Variants in ADAT1 observed in about 807,000 individuals in gnomAD.
ADAT1 encodes adenosine deaminase tRNA specific 1, also known as tRNA-specific adenosine deaminase 1.
In ADAT1, 58 loss-of-function variants were observed where a neutral mutation model predicts 58.6. The observed-to-expected ratio is 0.99, with a 90% CI of 0.80 to 1.23. The LOEUF (loss-of-function observed/expected upper bound fraction) is 1.23, where lower values mean the gene tolerates loss of function less well. ADAT1 is among the 50% of genes most tolerant of loss of function. ADAT1 has a pLI of 0.00. For synonymous variants in ADAT1, 254 were observed against 220.8 expected (o/e 1.15, Z -1.33); for missense variants, 741 against 608.6 (o/e 1.22, Z -2.29).
chr16:75,620,643 T>C lies in ADAT1; in HGVS notation c.157A>G (p.Lys53Glu), dbSNP rs150142918. ...PADKACDTPDKPVQVTKEVVS... is the reference protein window; with the variant it reads ...PADKACDTPDEPVQVTKEVVS... ...GAAAAAGTCTCACCTTGCACCGGCT[T>C]ATCAGGGGTGTCGCAGGCCTTGTCA... The change falls in exon 2 of 10, where the codon AAG becomes GAG. Residue 53 changes from lysine (K) to glutamate (E), a missense_variant. Coordinates refer to ENST00000564657, the MANE Select transcript of ADAT1 (RefSeq NM_001324445.2). The C allele has an allele frequency of 1.5e-4, 240 of 1,613,234 alleles. 1 individual carries two copies. The highest frequency in any genetic ancestry group is 5.7e-4 in the Middle Eastern group (3 of 5,272).
At chr16:75,609,766 T>C (rs2081473260) in intron 6 of ADAT1, among the ~76,000 whole-genome samples, 2 of 152,144 alleles carry the variant, frequency 1.3e-5, no homozygotes, top group Non-Finnish European at 2.9e-5. Flanking sequence ...TGCAGTCACA[T>C]GATCTCGGCT....
At chr16:75,615,935 GCCTA>G (rs1434401167) in intron 5 of ADAT1, among the ~76,000 whole-genome samples, 3 of 151,980 alleles carry the variant, frequency 2.0e-5, no homozygotes, top group Admixed American at 6.6e-5. Context: ...GATGAGTGCT[GCCTA>G]CCTGTCATTT....
intron 5 of ADAT1, among the ~76,000 whole-genome samples, chr16:75,613,485 A>G (rs768066552): frequency 3.2e-4 from 48 of 152,148 alleles, no homozygotes; most frequent in Non-Finnish European, 6.0e-4. Context: ...TATTTTTAGT[A>G]GAGACGAGGT....
intron 8 of ADAT1, among the ~76,000 whole-genome samples, chr16:75,603,526 G>A (rs1567463283): frequency 6.6e-6 from 1 of 152,204 alleles, no homozygotes; most frequent in Admixed American, 6.5e-5. Context: ...GGAAAGCTTT[G>A]TTTCAGAGAT....
chr16:75,608,431 TATG>T, intron 7 of ADAT1, 108 bp from the exon 8 acceptor site: 1 of 932,640 alleles, frequency 1.1e-6, no homozygotes, highest in South Asian at 1.5e-5. Context: ...GAGAGCTGGA[TATG>T]ATGTCACAGA....
Position 75,609,136 on chromosome 16 carries a change from A to G in ADAT1, c.1044-148T>C, listed in dbSNP as rs577972285. On this transcript the variant is annotated intron_variant, in intron 6 of 9. Coordinates refer to ENST00000564657, the MANE Select transcript of ADAT1 (RefSeq NM_001324445.2). ...GCAGACAGTGTTTCAGAATAGAATC[A>G]AGATTGTAAGCACCTCATGGCTGGA... The G allele has an allele frequency of 1.3e-5, 12 of 926,672 alleles. No homozygotes were observed. In the East Asian group the frequency reaches 2.9e-4, roughly 23 times the overall value. 57.4% of individuals were successfully genotyped at this position (926,672 alleles called of 1,614,324 possible).
intron 4 of ADAT1, among the ~76,000 whole-genome samples, chr16:75,618,098 CAAAAAAAAA>C (rs1163510620): frequency 0.019 from 634 of 32,522 alleles, 9 homozygotes; most frequent in African/African-American, 0.052. Context: ...ACCCTGTGTC[CAAAAAAAAA>C]AAAAAAAAAA....
chr16:75,612,682 CA>C lies in ADAT1; in HGVS notation c.603del (p.Thr203LeufsTer35). The C allele has an allele frequency of 6.2e-7, 1 of 1,614,074 alleles. No homozygotes were observed. Among genetic ancestry groups the C allele is most frequent in the Non-Finnish European group, 8.5e-7 (1 of 1,180,028 alleles). On this transcript the variant is annotated frameshift_variant, in exon 6 of 10. Transcript: ENST00000564657. LOFTEE classifies it high-confidence loss of function. ...SPVTKKMRLE[P>X]GTAAREVTNG... ...TTGGTGACCTCCCTGGCTGCAGTCC[CA>C]GGCTCAAGCCTCATCTTTTTGGTTA... is the stretch of plus-strand genomic sequence containing the variant.
At chr16:75,616,799 A>C (rs1431711049) in intron 5 of ADAT1, among the ~76,000 whole-genome samples, 1 of 152,230 alleles carries the variant, frequency 6.6e-6, no homozygotes, top group East Asian at 1.9e-4. Flanking sequence ...AATGAACGAA[A>C]TGAGTTTTAG....
At position 75,612,653 on chromosome 16, in the gene ADAT1, TC is replaced by T; in HGVS notation, c.632del (p.Gly211GlufsTer27). The T allele has an allele frequency of 6.2e-7, 1 of 1,614,094 alleles. No individual in the cohort carries two copies. The highest frequency in any genetic ancestry group is 8.5e-7 in the Non-Finnish European group (1 of 1,180,024). On this transcript the variant is annotated frameshift_variant, in exon 6 of 10. Coordinates refer to ENST00000564657, the MANE Select transcript of ADAT1 (RefSeq NM_001324445.2). LOFTEE classifies it high-confidence loss of function. ...PGTAAREVTN[G>X]AAHHQSFGKQ... ...TGCCAAAACTCTGATGGTGAGCTGC[TC>T]CGTTGGTGACCTCCCTGGCTGCAGT...
At chr16:75,600,550 G>A (rs1459506421) in intron 9 of ADAT1, among the ~76,000 whole-genome samples, 1 of 152,158 alleles carries the variant, frequency 6.6e-6, no homozygotes, top group Non-Finnish European at 1.5e-5. Context: ...GAAGCCAGGG[G>A]TAAAAAACAC....
At chr16:75,615,198 A>T (rs1313154116) in intron 5 of ADAT1, among the ~76,000 whole-genome samples, 4 of 151,360 alleles carry the variant, frequency 2.6e-5, no homozygotes, top group Admixed American at 1.3e-4. Flanking sequence ...AAAAAAAAAA[A>T]TTCAATCGCC....
chr16:75,610,889 A>G, intron 6 of ADAT1, among the ~76,000 whole-genome samples: 1 of 152,180 alleles, frequency 6.6e-6, no homozygotes, highest in East Asian at 1.9e-4. Flanking sequence ...AGGTGGGAGA[A>G]TTACTTAAGG....
At chr16:75,604,065 G>C (rs1287126025) in intron 8 of ADAT1, among the ~76,000 whole-genome samples, 1 of 152,112 alleles carries the variant, frequency 6.6e-6, no homozygotes, top group Non-Finnish European at 1.5e-5. Context: ...TCAGGAAGAT[G>C]AGGCCACTTT....
chr16:75,608,586 CT>C, intron 7 of ADAT1: 1 of 584,654 alleles, frequency 1.7e-6, no homozygotes, highest in African/African-American at 1.9e-5. Context: ...GAATTTCTCA[CT>C]GAATCTTCCC....
Position 75,612,855 on chromosome 16 carries a change from TCC to T in ADAT1, c.429_430del (p.Asp144CysfsTer8), listed in dbSNP as rs1567476799. On this transcript the variant is annotated frameshift_variant, in exon 6 of 10. Coordinates refer to ENST00000564657, the MANE Select transcript of ADAT1 (RefSeq NM_001324445.2). LOFTEE classifies it high-confidence loss of function. ...CTCAAGCATCGGAATGATGGAGGCA[TCC>T]CCACCTGCAGAGAATGAACCCACTT... The T allele has an allele frequency of 6.2e-7, 1 of 1,613,258 alleles. No homozygotes were observed.
chr16:75,620,476 C>T (rs926663237), intron 2 of ADAT1, 142 bp from the exon 3 acceptor site: 15 of 1,400,178 alleles, frequency 1.1e-5, no homozygotes, highest in Admixed American at 3.6e-5. Context: ...GGCGGTCTCC[C>T]GCCATCAGAG....
At position 75,603,141 on chromosome 16, in the gene ADAT1, T is replaced by C. The variant is rs2081273109; in HGVS notation, c.1320A>G (p.Arg440=). 3 of 1,614,130 alleles carry C rather than the reference T, an allele frequency of 1.9e-6. No individual in the cohort carries two copies. The highest frequency in any genetic ancestry group is 1.7e-6 in the Non-Finnish European group (2 of 1,179,978). Residue 440 remains arginine, a synonymous_variant, in exon 9 of 10, where the codon AGA becomes AGG. Coordinates refer to ENST00000564657, the MANE Select transcript of ADAT1 (RefSeq NM_001324445.2). The stretch of plus-strand genomic sequence containing the variant: ...TTCTGCTTAGCAGCTTCTGGAATGA[T>C]CTGAAGAGTTCCACTTTGCTGATTT... ...RSQISKVELF[R]SFQKLLSRIA...
At chr16:75,609,585 T>C (rs1390674748) in intron 6 of ADAT1, among the ~76,000 whole-genome samples, 1 of 152,198 alleles carries the variant, frequency 6.6e-6, no homozygotes, top group Non-Finnish European at 1.5e-5. Context: ...GATAATTCAA[T>C]TGTTTTTAGT....
Sources: allele counts gnomAD v4.1 joint callset (sites outside exome capture counted in the v4.1 genomes callset), GRCh38; gene constraint gnomAD v4.1.1; transcripts MANE v1.5; gene names NCBI Gene and HGNC (gene_info 2026-07-23, HGNC 2026-07-21).